The following ALK variants were observed in gnomAD, a reference collection of about 807,000 sequenced individuals.
ALK encodes the protein ALK receptor tyrosine kinase, also known as ALK tyrosine kinase receptor.
Under a neutral mutation model 163.1 loss-of-function variants are expected in ALK, and 74 were observed. The observed-to-expected ratio is 0.45, with a 90% CI of 0.38 to 0.55. ALK has a LOEUF of 0.55. Among genes scored for constraint, ALK ranks in the 20% least tolerant of loss-of-function variants. ALK has a pLI of 0.00. For missense variants in ALK, 2,063 were observed against 2,105.3 expected (o/e 0.98, Z 0.39); for synonymous variants, 960 against 843.2 (o/e 1.14, Z -2.40).
At chr2:29,248,615 C>T (rs1237577814) in intron 12 of ALK, among the ~76,000 whole-genome samples, 7 of 152,196 alleles carry the variant, frequency 4.6e-5, no homozygotes, top group African/African-American at 1.7e-4. Context: ...AATCGCCAGA[C>T]AGTGCTGGGG....
At chr2:29,588,499 G>A (rs772741233) in intron 3 of ALK, among the ~76,000 whole-genome samples, 1 of 152,140 alleles carries the variant, frequency 6.6e-6, no homozygotes, top group Non-Finnish European at 1.5e-5. Context: ...CCAAAGTGTT[G>A]AGATTACAGA....
At chr2:29,375,719 C>T (rs1312789794) in intron 5 of ALK, among the ~76,000 whole-genome samples, 1 of 152,074 alleles carries the variant, frequency 6.6e-6, no homozygotes, top group Non-Finnish European at 1.5e-5. Context: ...TAGTCTATGG[C>T]AAGTAAGAGG....
intron 15 of ALK, among the ~76,000 whole-genome samples, chr2:29,229,962 C>A (rs1664147586): frequency 6.6e-6 from 1 of 152,134 alleles, no homozygotes; most frequent in Non-Finnish European, 1.5e-5. Context: ...ATCTACAGAG[C>A]CGAGGTTGAA....
chr2:29,468,889 A>C (rs1671279580), intron 4 of ALK, among the ~76,000 whole-genome samples: 1 of 146,128 alleles, frequency 6.8e-6, no homozygotes, highest in Admixed American at 6.8e-5. Flanking sequence ...AAGAACTAGC[A>C]CACCAAAGAA....
intron 1 of ALK, among the ~76,000 whole-genome samples, chr2:29,904,433 A>G (rs1328562235): frequency 6.6e-6 from 1 of 152,142 alleles, no homozygotes; most frequent in East Asian, 1.9e-4. Context: ...TCTAACTGTG[A>G]GAATAGTTAG....
intron 1 of ALK, among the ~76,000 whole-genome samples, chr2:29,778,305 C>T (rs1681235055): frequency 6.6e-6 from 1 of 152,164 alleles, no homozygotes; most frequent in South Asian, 2.1e-4. Flanking sequence ...TCACTCTGAC[C>T]TCATATGTGA....
chr2:29,871,147 G>A (rs1252776689), intron 1 of ALK, among the ~76,000 whole-genome samples: 2 of 152,180 alleles, frequency 1.3e-5, no homozygotes, highest in Non-Finnish European at 2.9e-5. Flanking sequence ...CAGATGCCAA[G>A]CGTTAAGGGT....
intron 15 of ALK, 21 bp from the exon 16 acceptor site, chr2:29,229,087 C>T (rs774947393): frequency 8.1e-6 from 13 of 1,612,208 alleles, no homozygotes; most frequent in Non-Finnish European, 1.1e-5. Flanking sequence ...AGATAGGGAA[C>T]CTGCGTGAGG....
At chr2:29,426,885 A>G (rs1206947107) in intron 4 of ALK, among the ~76,000 whole-genome samples, 1 of 151,890 alleles carries the variant, frequency 6.6e-6, no homozygotes, top group Non-Finnish European at 1.5e-5. Context: ...TAAAAATACA[A>G]AACTTAACTG....
At chr2:29,526,849 C>G (rs1158848681) in intron 4 of ALK, among the ~76,000 whole-genome samples, 1 of 152,214 alleles carries the variant, frequency 6.6e-6, no homozygotes, top group Admixed American at 6.5e-5. Context: ...GAAGCAAATA[C>G]CTGGTGGCAT....
chr2:29,399,779 G>A (rs777632780), intron 4 of ALK, among the ~76,000 whole-genome samples: 2 of 152,190 alleles, frequency 1.3e-5, no homozygotes, highest in African/African-American at 2.4e-5. Context: ...GGGACAAACC[G>A]GACCTGGGAG....
At chr2:29,678,005 G>A (rs1677936652) in intron 3 of ALK, among the ~76,000 whole-genome samples, 1 of 151,902 alleles carries the variant, frequency 6.6e-6, no homozygotes, top group Admixed American at 6.6e-5. Flanking sequence ...TCCTGAATTG[G>A]TTTTGGTAAT....
chr2:29,918,051 C>T (rs1040572753), intron 1 of ALK, among the ~76,000 whole-genome samples: 2 of 152,230 alleles, frequency 1.3e-5, no homozygotes, highest in African/African-American at 2.4e-5. Flanking sequence ...AACCTCCCCA[C>T]TCAGCAGCTC....
intron 1 of ALK, among the ~76,000 whole-genome samples, chr2:29,740,015 A>T (rs1175953316): frequency 2.0e-5 from 3 of 152,116 alleles, no homozygotes; most frequent in African/African-American, 7.3e-5. Context: ...TACTTTTATC[A>T]TTTGTATTGC....
At position 29,379,631 on chromosome 2, in the gene ALK, A is replaced by G. The variant is rs1470759473; in HGVS notation, c.1282+4101T>C. 2.0e-5 allele frequency among the ~76,000 whole-genome samples: 3 copies of G among 152,164 alleles called. No individual in the cohort carries two copies. In the East Asian group the frequency reaches 5.8e-4, roughly 29 times the overall value. ...GGAAATGAGTAAGGTGGTCCAGTAT[A>G]GGCCCCTTTTTCTATTATTTTCTGA... is the stretch of plus-strand genomic sequence containing the variant. On this transcript the variant is annotated intron_variant, in intron 5 of 28. Coordinates refer to ENST00000389048, the MANE Select transcript of ALK (RefSeq NM_004304.5).
At chr2:29,878,422 A>G (rs1221224346) in intron 1 of ALK, among the ~76,000 whole-genome samples, 1 of 152,198 alleles carries the variant, frequency 6.6e-6, no homozygotes. Flanking sequence ...TATTTTATAG[A>G]TTGAGAAACT....
chr2:29,587,540 C>T (rs1215004298), intron 3 of ALK, among the ~76,000 whole-genome samples: 2 of 136,030 alleles, frequency 1.5e-5, no homozygotes, highest in African/African-American at 7.6e-5. Flanking sequence ...AAACCCTTCT[C>T]TTTTTAGTTC....
chr2:29,778,912 T>C (rs967034625), intron 1 of ALK, among the ~76,000 whole-genome samples: 5 of 151,834 alleles, frequency 3.3e-5, no homozygotes, highest in Non-Finnish European at 5.9e-5. Flanking sequence ...TCCCAGCACT[T>C]TGGGAGGCTG....
intron 1 of ALK, among the ~76,000 whole-genome samples, chr2:29,822,528 G>T (rs532989889): frequency 6.6e-6 from 1 of 152,346 alleles, no homozygotes; most frequent in Admixed American, 6.5e-5. Flanking sequence ...GCCAGCAGTG[G>T]CTATGATCAG....
Sources: allele counts gnomAD v4.1 joint callset (sites outside exome capture counted in the v4.1 genomes callset), GRCh38; gene constraint gnomAD v4.1.1; transcripts MANE v1.5; gene names NCBI Gene and HGNC (gene_info 2026-07-23, HGNC 2026-07-21).